The following SLC25A32 variants were observed in gnomAD, a reference collection of about 807,000 sequenced individuals.
SLC25A32 encodes the protein Glycine auxotroph B, complementation of hamster.
In SLC25A32, 32 loss-of-function variants were observed where a neutral mutation model predicts 39.0. The observed-to-expected ratio is 0.82, with a 90% CI of 0.62 to 1.10. SLC25A32 has a LOEUF of 1.10. SLC25A32 is among the 50% of genes least tolerant of loss of function. The pLI is 0.00. For missense variants in SLC25A32, 367 were observed against 395.3 expected, an observed-to-expected ratio of 0.93 and a Z score of 0.61; for synonymous variants, 166 against 152.4, an observed-to-expected ratio of 1.09 and a Z score of -0.66.
chr8:103,412,226 G>A (rs1816482218), intron 1 of SLC25A32, among the ~76,000 whole-genome samples: 1 of 152,052 alleles, frequency 6.6e-6, no homozygotes, highest in Non-Finnish European at 1.5e-5. Context: ...AACTTTACTC[G>A]GCACTACTGT....
At chr8:103,400,629 G>C in intron 6 of SLC25A32, 83 bp from the exon 7 acceptor site, 1 of 1,411,508 alleles carries the variant, frequency 7.1e-7, no homozygotes, top group Non-Finnish European at 9.8e-7. Context: ...ACAAGGCATG[G>C]AGCAAGCAGC....
intron 2 of SLC25A32, among the ~76,000 whole-genome samples, chr8:103,405,662 T>C (rs1816314185): frequency 1.4e-5 from 2 of 146,514 alleles, no homozygotes; most frequent in South Asian, 4.3e-4. Flanking sequence ...ACATTCTTTC[T>C]TTTTTTTTTT....
Position 103,400,467 on chromosome 8 carries a change from C to A in SLC25A32, c.892G>T (p.Val298Leu), listed in dbSNP as rs1016218177. ...AAATGTGAGACGTTTTCATATACCA[C>A]AAAGGTAATACAGCAGGCTGGAGTC... Reference protein sequence around the residue: ...RVTPACCITFVVYENVSHFLL... With the variant: ...RVTPACCITFLVYENVSHFLL... Residue 298 changes from valine (V) to leucine (L), a missense_variant, in exon 7 of 7, where the codon GTG becomes TTG. Physicochemically the swap from Val to Leu is conservative, Grantham distance 32 (BLOSUM62 1). Transcript: ENST00000297578. 4.3e-6 allele frequency: 7 copies of A among 1,613,978 alleles called. No homozygotes were observed. Among genetic ancestry groups the A allele is most frequent in the Non-Finnish European group, 5.9e-6 (7 of 1,179,944 alleles).
rs1816288923 is a variant in SLC25A32, at chr8:103,404,641, GA to G, written c.391+134del. On this transcript the variant is annotated intron_variant, in intron 3 of 6. Transcript: ENST00000297578. ...GAAAAACAAACAAACAAAAAAAACAGAAATTCCATGTAACTGATTTAATACA... is the reference window on the plus strand; with the variant it reads ...GAAAAACAAACAAACAAAAAAAACAGAATTCCATGTAACTGATTTAATACA... 9.2e-6 allele frequency: 5 copies of G among 541,674 alleles called. No individual in the cohort carries two copies. The South Asian group carries it at 1.2e-4, about 12-fold the overall frequency. The allele number at this position is 541,674 out of a possible 1,614,324, so 33.6% of individuals were successfully genotyped here.
rs865818563 is a variant in SLC25A32, at chr8:103,403,253, CA to C, written c.462del (p.Val155LeufsTer17). 1.2e-6 allele frequency: 2 copies of C among 1,612,514 alleles called. No homozygotes were observed. The highest frequency in any genetic ancestry group is 1.3e-5 in the African/African-American group (1 of 74,764). ...TATTGTCGGTGTGGGGAGTTAACAA[CA>C]GCATCATACTGTAACATAAGGCGAG... ...TKTRLMLQYD[A>X]VVNSPHRQYK... On this transcript the variant is annotated frameshift_variant, in exon 4 of 7. Transcript: ENST00000297578. LOFTEE classifies it high-confidence loss of function.
chr8:103,406,480 T>C (rs560464179), intron 2 of SLC25A32, among the ~76,000 whole-genome samples: 3 of 152,360 alleles, frequency 2.0e-5, no homozygotes, highest in South Asian at 4.1e-4. Context: ...AGTGCGATGA[T>C]GGTTTGTGTC....
rs761382803 is a variant in SLC25A32 at position 103,401,935 on chromosome 8, T to A, written c.666+6A>T. The A allele has an allele frequency of 6.3e-6, 10 of 1,595,770 alleles. 1 individual carries two copies. The South Asian group carries it at 1.1e-4, about 18-fold the overall frequency. ...AATGATATCATTTTTACAAGAATAA[T>A]CTTACCAACTGGGCTTCTGGTAATC... On this transcript the variant is annotated splice_donor_region_variant and intron_variant, in intron 5 of 6. Transcript: ENST00000297578.
intron 1 of SLC25A32, among the ~76,000 whole-genome samples, chr8:103,410,612 G>A (rs969414518): frequency 1.3e-5 from 2 of 152,074 alleles, no homozygotes; most frequent in Non-Finnish European, 2.9e-5. Flanking sequence ...TCAGTCCCTG[G>A]TGCCAAAAAG....
chr8:103,400,368 G>C lies in SLC25A32; in HGVS notation c.*43C>G. ...TTATGCCTTAAACACAAAAGAGCTTGTTGCTGCCTTGGGCAGATATACTGG... is the reference window on the plus strand; with the variant it reads ...TTATGCCTTAAACACAAAAGAGCTTCTTGCTGCCTTGGGCAGATATACTGG... On this transcript the variant is annotated 3_prime_UTR_variant, in exon 7 of 7. Transcript: ENST00000297578. 3 of 1,608,086 alleles carry C rather than the reference G, an allele frequency of 1.9e-6. No individual in the cohort carries two copies. Among genetic ancestry groups the C allele is most frequent in the Non-Finnish European group, 2.5e-6 (3 of 1,177,220 alleles).
chr8:103,414,976 C>T lies in SLC25A32; in HGVS notation c.-39G>A. 6.3e-7 allele frequency: 1 copy of T among 1,581,220 alleles called. No individual in the cohort carries two copies. The highest frequency in any genetic ancestry group is 8.6e-7 in the Non-Finnish European group (1 of 1,163,480). On this transcript the variant is annotated 5_prime_UTR_variant, in exon 1 of 7. Coordinates refer to ENST00000297578, the MANE Select transcript of SLC25A32 (RefSeq NM_030780.5). ...GTCGACACCACGGCGCCCAGGGCCG[C>T]GGAGGTGGGACGCGATGCAGTGGCC...
At chr8:103,414,575 T>C in intron 1 of SLC25A32, 2 of 641,850 alleles carry the variant, frequency 3.1e-6, no homozygotes, top group Non-Finnish European at 5.3e-6. Flanking sequence ...TCTACATACA[T>C]GCCCCCTCTC....
chr8:103,412,167 G>A (rs1816480724), intron 1 of SLC25A32, among the ~76,000 whole-genome samples: 1 of 152,194 alleles, frequency 6.6e-6, no homozygotes, highest in African/African-American at 2.4e-5. Context: ...CACTCTGTAA[G>A]TACTAGTTTA....
Position 103,415,007 on chromosome 8 carries a change from CG to C in SLC25A32, c.-71del, listed in dbSNP as rs1816567644. ...TGGGACGCGATGCAGTGGCCGCCACCGTGGCGACGGTCGCCCCTTGTGAGCG... is the reference window on the plus strand; with the variant it reads ...TGGGACGCGATGCAGTGGCCGCCACCTGGCGACGGTCGCCCCTTGTGAGCG... On this transcript the variant is annotated 5_prime_UTR_variant, in exon 1 of 7. Coordinates refer to ENST00000297578, the MANE Select transcript of SLC25A32 (RefSeq NM_030780.5). The C allele has an allele frequency of 6.3e-7, 1 of 1,587,888 alleles. No homozygotes were observed. The highest frequency in any genetic ancestry group is 8.6e-7 in the Non-Finnish European group (1 of 1,166,902).
chr8:103,402,097 G>T, intron 4 of SLC25A32, 43 bp from the exon 5 acceptor site: 1 of 1,318,396 alleles, frequency 7.6e-7, no homozygotes, highest in Non-Finnish European at 1.1e-6. Context: ...ACATACGTTT[G>T]AAGAACAATA....
chr8:103,401,751 G>A, intron 5 of SLC25A32, 90 bp from the exon 6 acceptor site: 1 of 1,159,026 alleles, frequency 8.6e-7, no homozygotes, highest in Non-Finnish European at 1.2e-6. Context: ...ACATTTAAAT[G>A]GATCTTTAAG....
At chr8:103,405,090 A>G (rs1458143128) in intron 2 of SLC25A32, among the ~76,000 whole-genome samples, 1 of 152,218 alleles carries the variant, frequency 6.6e-6, no homozygotes, top group African/African-American at 2.4e-5. Flanking sequence ...AAATATTTTA[A>G]TCAGACACTC....
intron 1 of SLC25A32, 122 bp from the exon 2 acceptor site, chr8:103,407,906 G>T: frequency 2.4e-6 from 1 of 423,040 alleles, no homozygotes; most frequent in Non-Finnish European, 3.8e-6. Context: ...AACTTTTTTA[G>T]GTAGAAAAAA....
chr8:103,408,150 G>A (rs1169994930), intron 1 of SLC25A32, among the ~76,000 whole-genome samples: 1 of 149,600 alleles, frequency 6.7e-6, no homozygotes, highest in Admixed American at 6.7e-5. Context: ...GCTAATTTTT[G>A]TATTTTTTTT....
At position 103,404,841 on chromosome 8, in the gene SLC25A32, T is replaced by C; in HGVS notation, c.326A>G (p.Tyr109Cys). ...YFFFYNAIKS[Y>C]KTEGRAERLE... ...ACGTTCAGCTCTTCCTTCTGTTTTA[T>C]ATGACTTGATGGCATTGTAACTAAA... Residue 109 changes from tyrosine to cysteine, a missense_variant, in exon 3 of 7, where the codon TAT becomes TGT. Tyr to Cys is a radical substitution (Grantham distance 194). Coordinates refer to ENST00000297578, the MANE Select transcript of SLC25A32 (RefSeq NM_030780.5). The C allele has an allele frequency of 1.9e-6, 3 of 1,611,946 alleles. No homozygotes were observed. The highest frequency in any genetic ancestry group is 8.5e-7 in the Non-Finnish European group (1 of 1,178,190).
Sources: allele counts gnomAD v4.1 joint callset (sites outside exome capture counted in the v4.1 genomes callset), GRCh38; gene constraint gnomAD v4.1.1; transcripts MANE v1.5; gene names NCBI Gene and HGNC (gene_info 2026-07-23, HGNC 2026-07-21).